Variants in LRCH1 observed in about 807,000 individuals in gnomAD.
LRCH1 encodes the protein leucine rich repeats and calponin homology domain containing 1, also known as leucine-rich repeat and calponin homology domain-containing protein 1.
Under a neutral mutation model 94.9 loss-of-function variants are expected in LRCH1, and 23 were observed. The ratio of observed to expected loss-of-function variants is 0.24; its 90% CI spans 0.17 to 0.34. The LOEUF (loss-of-function observed/expected upper bound fraction) is 0.34, where lower values mean the gene tolerates loss of function less well. Among genes scored for constraint, LRCH1 ranks in the 10% least tolerant of loss-of-function variants. The pLI is 1.00. For synonymous variants in LRCH1, 364 were observed against 354.9 expected (o/e 1.03, Z -0.29); for missense variants, 790 against 945.9 (o/e 0.84, Z 2.16).
chr13:46,580,514 C>T (rs1040912286), intron 1 of LRCH1, among the ~76,000 whole-genome samples: 1 of 152,188 alleles, frequency 6.6e-6, no homozygotes, highest in Non-Finnish European at 1.5e-5. Context: ...GCTTTCTGCT[C>T]CAACAGTCTT....
At chr13:46,748,156 T>C (rs980134895), downstream of LRCH1, among the ~76,000 whole-genome samples, 3 of 152,238 alleles carry the variant, frequency 2.0e-5, no homozygotes, top group African/African-American at 7.2e-5. Context: ...ATCAGTTGCT[T>C]TGCTCTTTTC....
chr13:46,563,613 T>C (rs1295716184), intron 1 of LRCH1, among the ~76,000 whole-genome samples: 1 of 152,252 alleles, frequency 6.6e-6, no homozygotes, highest in Non-Finnish European at 1.5e-5. Context: ...AAGTGCTTTA[T>C]ATGCAAATAT....
chr13:46,682,611 A>G (rs1395241258), intron 4 of LRCH1, among the ~76,000 whole-genome samples: 1 of 152,200 alleles, frequency 6.6e-6, no homozygotes, highest in Non-Finnish European at 1.5e-5. Context: ...ATCTGGGAGC[A>G]CTGGTTGGGA....
At chr13:46,600,793 T>C (rs765178312) in intron 1 of LRCH1, among the ~76,000 whole-genome samples, 4 of 152,254 alleles carry the variant, frequency 2.6e-5, no homozygotes, top group Non-Finnish European at 5.9e-5. Flanking sequence ...GTTTAACAAA[T>C]ACTGAGCACT....
chr13:46,623,694 TTTTTTTTTTTTTTCTTTTTC>T (rs2050908894), intron 1 of LRCH1, among the ~76,000 whole-genome samples: 1 of 9,030 alleles, frequency 1.1e-4, no homozygotes, highest in Non-Finnish European at 1.9e-4. Flanking sequence ...CCTGTCTCTG[TTTTTTTTTTTTTTCTTTTTC>T]TTTTTTTTTT....
At chr13:46,614,636 A>G (rs960174426) in intron 1 of LRCH1, among the ~76,000 whole-genome samples, 1 of 152,174 alleles carries the variant, frequency 6.6e-6, no homozygotes, top group Admixed American at 6.5e-5. Context: ...CAGGTTTTCT[A>G]GTTGACATTG....
chr13:46,647,571 G>T (rs2051238247), intron 1 of LRCH1, among the ~76,000 whole-genome samples: 1 of 152,026 alleles, frequency 6.6e-6, no homozygotes, highest in Non-Finnish European at 1.5e-5. Flanking sequence ...TTCCTTGATT[G>T]TCATATATGT....
At chr13:46,716,778 A>C (rs577719804) in intron 16 of LRCH1, among the ~76,000 whole-genome samples, 1 of 152,336 alleles carries the variant, frequency 6.6e-6, no homozygotes, top group East Asian at 1.9e-4. Context: ...TAAACGGAAA[A>C]TAAATAGGAT....
chr13:46,607,667 A>T, intron 1 of LRCH1, among the ~76,000 whole-genome samples: 1 of 147,848 alleles, frequency 6.8e-6, no homozygotes. Context: ...TTTTAATATG[A>T]GACACAGTCT....
intron 1 of LRCH1, among the ~76,000 whole-genome samples, chr13:46,644,691 A>G (rs1245291304): frequency 1.3e-5 from 2 of 152,206 alleles, no homozygotes; most frequent in African/African-American, 2.4e-5. Context: ...GACCCATTGC[A>G]TAGGTGAATT....
At chr13:46,680,894 T>C (rs1267344954) in intron 3 of LRCH1, among the ~76,000 whole-genome samples, 9 of 152,164 alleles carry the variant, frequency 5.9e-5, no homozygotes. Flanking sequence ...GAGATCATGA[T>C]AGCACCCAGC....
intron 2 of LRCH1, among the ~76,000 whole-genome samples, chr13:46,655,300 A>T (rs1005621451): frequency 5.3e-5 from 8 of 152,256 alleles, no homozygotes; most frequent in African/African-American, 1.9e-4. Flanking sequence ...AGCACATGAA[A>T]AAAATCCTTA....
intron 1 of LRCH1, among the ~76,000 whole-genome samples, chr13:46,646,979 G>A (rs1280666409): frequency 6.6e-6 from 1 of 151,924 alleles, no homozygotes; most frequent in Non-Finnish European, 1.5e-5. Flanking sequence ...TGGACGTGGT[G>A]GTGCATGCCT....
intron 1 of LRCH1, among the ~76,000 whole-genome samples, chr13:46,582,268 A>AAAGAG (rs2050377008): frequency 6.6e-6 from 1 of 151,850 alleles, no homozygotes; most frequent in Non-Finnish European, 1.5e-5. Flanking sequence ...TTAAAAAAGG[A>AAAGAG]AAGAGAAAAA....
chr13:46,693,416 C>T (rs553988640), intron 8 of LRCH1, among the ~76,000 whole-genome samples: 4 of 152,046 alleles, frequency 2.6e-5, no homozygotes, highest in Non-Finnish European at 5.9e-5. Flanking sequence ...GAGGTTTGCT[C>T]GTGGGAGGTT....
chr13:46,606,875 AT>A (rs1189874159), intron 1 of LRCH1, among the ~76,000 whole-genome samples: 1 of 151,816 alleles, frequency 6.6e-6, no homozygotes, highest in Non-Finnish European at 1.5e-5. Flanking sequence ...GCAGAAAGAA[AT>A]TTTTTTTTAT....
intron 2 of LRCH1, among the ~76,000 whole-genome samples, chr13:46,652,053 ATGTT>A (rs1285551086): frequency 5.3e-5 from 4 of 75,792 alleles, no homozygotes; most frequent in Admixed American, 1.6e-4. Context: ...AGGCCTGCTG[ATGTT>A]TTTTTTTTTT....
rs9534467 is a variant in LRCH1, at chr13:46,684,648, A to G, written c.686-1257A>G. ...GAATCTTCATAATTCTTATCATCTT[A>G]CAAACAAGCTGTGAGGTGAAAGGGG... On this transcript the variant is annotated intron_variant, in intron 4 of 19. Coordinates refer to ENST00000389797, the MANE Select transcript of LRCH1 (RefSeq NM_001164211.2). Among the ~76,000 whole-genome samples the G allele has an allele frequency of 7.1e-3, 1,083 of 152,302 alleles. 11 individuals are homozygous for G. The highest frequency in any genetic ancestry group is 0.014 in the Admixed American group (211 of 15,298).
intron 17 of LRCH1, among the ~76,000 whole-genome samples, chr13:46,725,841 T>C (rs924830846): frequency 6.6e-6 from 1 of 152,244 alleles, no homozygotes; most frequent in Non-Finnish European, 1.5e-5. Flanking sequence ...AGGTGAACTT[T>C]ATGAAATCTA....
Sources: allele counts gnomAD v4.1 joint callset (sites outside exome capture counted in the v4.1 genomes callset), GRCh38; gene constraint gnomAD v4.1.1; transcripts MANE v1.5; gene names NCBI Gene and HGNC (gene_info 2026-07-23, HGNC 2026-07-21).